SYT16: variants seen among roughly 807,000 people sequenced by gnomAD.
SYT16 encodes synaptotagmin 16.
Under a neutral mutation model 61.4 loss-of-function variants are expected in SYT16, and 42 were observed. The observed-to-expected ratio is 0.68, with a 90% CI of 0.53 to 0.89. The LOEUF is 0.89. Ranked by LOEUF, SYT16 falls within the 40% of genes least tolerant of loss-of-function variation. SYT16 has a pLI of 0.00. For synonymous variants in SYT16, 314 were observed against 302.3 expected (o/e 1.04, Z -0.40); for missense variants, 804 against 807.3 (o/e 1.00, Z 0.05).
At chr14:61,838,329 C>A (rs2046196253) in intron 1 of SYT16, among the ~76,000 whole-genome samples, 1 of 152,154 alleles carries the variant, frequency 6.6e-6, no homozygotes, top group Non-Finnish European at 1.5e-5. Context: ...CCAGTCCACT[C>A]CCCACAGTTG....
intron 1 of SYT16, among the ~76,000 whole-genome samples, chr14:61,962,479 G>A (rs1420310863): frequency 1.3e-5 from 2 of 151,940 alleles, no homozygotes; most frequent in Non-Finnish European, 2.9e-5. Context: ...ATTCTAATGT[G>A]TCTCGGTATA....
intron 3 of SYT16, among the ~76,000 whole-genome samples, chr14:62,000,010 T>C (rs2052929916): frequency 6.6e-6 from 1 of 151,578 alleles, no homozygotes; most frequent in Non-Finnish European, 1.5e-5. Flanking sequence ...GAAAAGATTG[T>C]ATATTCTGTT....
At chr14:61,855,815 T>G (rs139564032) in intron 1 of SYT16, among the ~76,000 whole-genome samples, 2 of 152,362 alleles carry the variant, frequency 1.3e-5, no homozygotes, top group East Asian at 3.8e-4. Flanking sequence ...TTCTTCATGA[T>G]TAGGGAGCAG....
chr14:61,913,447 T>C (rs999970859), intron 1 of SYT16, among the ~76,000 whole-genome samples: 3 of 152,200 alleles, frequency 2.0e-5, no homozygotes, highest in Admixed American at 6.5e-5. Flanking sequence ...TTTTTACATC[T>C]TTAAAGATTG....
chr14:62,029,281 A>C (rs1296225056), intron 3 of SYT16, among the ~76,000 whole-genome samples: 3 of 152,166 alleles, frequency 2.0e-5, no homozygotes, highest in African/African-American at 7.2e-5. Flanking sequence ...GGCACCCACC[A>C]TCACACCTGG....
At chr14:62,044,213 A>C (rs1008828888) in intron 3 of SYT16, among the ~76,000 whole-genome samples, 1 of 152,018 alleles carries the variant, frequency 6.6e-6, no homozygotes, top group African/African-American at 2.4e-5. Flanking sequence ...AAAAAAAAAA[A>C]ATAGGAAACG....
At chr14:62,073,660 C>G (rs1220293442) in intron 4 of SYT16, among the ~76,000 whole-genome samples, 1 of 152,178 alleles carries the variant, frequency 6.6e-6, no homozygotes, top group African/African-American at 2.4e-5. Context: ...GTCTGAAGTT[C>G]TGCCCCGAGG....
chr14:61,908,588 TAATG>T (rs2048811125), intron 1 of SYT16, among the ~76,000 whole-genome samples: 1 of 152,244 alleles, frequency 6.6e-6, no homozygotes, highest in South Asian at 2.1e-4. Flanking sequence ...TAATTTTTCT[TAATG>T]AACATTTGCT....
intron 7 of SYT16, among the ~76,000 whole-genome samples, chr14:62,091,642 G>C (rs1206514753): frequency 1.3e-5 from 2 of 152,094 alleles, no homozygotes; most frequent in Non-Finnish European, 2.9e-5. Context: ...AGAAAAAGTG[G>C]ATCTCAACCT....
intron 7 of SYT16, among the ~76,000 whole-genome samples, chr14:62,095,485 A>C (rs1193401374): frequency 6.6e-6 from 1 of 151,962 alleles, no homozygotes; most frequent in East Asian, 1.9e-4. Context: ...TTAAAATGTT[A>C]CTATTTATAA....
intron 1 of SYT16, among the ~76,000 whole-genome samples, chr14:61,859,628 A>G (rs1285878778): frequency 6.6e-6 from 1 of 151,828 alleles, no homozygotes; most frequent in East Asian, 1.9e-4. Context: ...CTGTGTCCTA[A>G]ATTTTCCAAT....
intron 1 of SYT16, among the ~76,000 whole-genome samples, chr14:61,952,139 T>A (rs1455369870): frequency 1.3e-5 from 2 of 152,184 alleles, no homozygotes; most frequent in African/African-American, 4.8e-5. Flanking sequence ...CTGATTTTTT[T>A]TTTTTTTGGC....
intron 2 of SYT16, among the ~76,000 whole-genome samples, chr14:61,980,897 G>A (rs1046689375): frequency 6.6e-6 from 1 of 152,102 alleles, no homozygotes; most frequent in African/African-American, 2.4e-5. Context: ...AATGGCTATA[G>A]GGAGCTCTAT....
At chr14:61,814,900 C>T (rs1250036139) in intron 1 of SYT16, among the ~76,000 whole-genome samples, 1 of 152,214 alleles carries the variant, frequency 6.6e-6, no homozygotes, top group Non-Finnish European at 1.5e-5. Flanking sequence ...CTACAACCTT[C>T]TGTTAGCATG....
intron 3 of SYT16, among the ~76,000 whole-genome samples, chr14:62,007,610 G>A (rs2053274826): frequency 6.6e-6 from 1 of 152,036 alleles, no homozygotes; most frequent in Non-Finnish European, 1.5e-5. Flanking sequence ...CATTTTTGGA[G>A]GAAATTTCAG....
chr14:61,937,909 A>T (rs1013109942), intron 1 of SYT16, among the ~76,000 whole-genome samples: 3 of 152,222 alleles, frequency 2.0e-5, no homozygotes, highest in Admixed American at 1.3e-4. Context: ...TTGTACAAGT[A>T]TAAGGGTCAA....
intron 1 of SYT16, among the ~76,000 whole-genome samples, chr14:61,914,909 A>C (rs182338395): frequency 1.1e-4 from 16 of 152,244 alleles, no homozygotes; most frequent in African/African-American, 3.6e-4. Context: ...ACTGGTTTCC[A>C]ATTATGTCTA....
In SYT16 at chr14:61,852,600, G is replaced by A. The variant is rs550972049; in HGVS notation, c.-325+39790G>A. The stretch of plus-strand genomic sequence containing the variant: ...GTGTCCTCTCTGATTTCTTTGAGCA[G>A]TGGTTTGTAGTTCTACTTGAAGAGG... On this transcript the variant is annotated intron_variant, in intron 1 of 7. Coordinates refer to ENST00000683842, the MANE Select transcript of SYT16 (RefSeq NM_001367656.1). Among the ~76,000 whole-genome samples, 3 of 152,212 alleles carry A rather than the reference G, an allele frequency of 2.0e-5. No individual in the cohort carries two copies. The South Asian group carries it at 6.2e-4, about 32-fold the overall frequency.
chr14:62,060,042 T>C (rs2055757941), intron 3 of SYT16, among the ~76,000 whole-genome samples: 1 of 152,076 alleles, frequency 6.6e-6, no homozygotes, highest in Non-Finnish European at 1.5e-5. Flanking sequence ...AGTCTTAAAA[T>C]CAGATAGGTG....
Sources: allele counts gnomAD v4.1 joint callset (sites outside exome capture counted in the v4.1 genomes callset), GRCh38; gene constraint gnomAD v4.1.1; transcripts MANE v1.5; gene names NCBI Gene and HGNC (gene_info 2026-07-23, HGNC 2026-07-21).